The following SLC6A19 variants were observed in gnomAD, a reference collection of about 807,000 sequenced individuals.
SLC6A19 encodes sodium-dependent neutral amino acid transporter B(0)AT1.
In SLC6A19, 67 loss-of-function variants were observed where a neutral mutation model predicts 68.3. The ratio of observed to expected loss-of-function variants is 0.98; its 90% confidence interval spans 0.81 to 1.20. The LOEUF is 1.20. Among genes scored for constraint, SLC6A19 ranks in the 50% most tolerant of loss-of-function variants. The pLI, the probability that SLC6A19 is intolerant of heterozygous loss-of-function variation, is 0.00. For missense variants in SLC6A19, 813 were observed against 851.6 expected, an observed-to-expected ratio of 0.95 and a Z score of 0.56; for synonymous variants, 392 against 374.9, an observed-to-expected ratio of 1.05 and a Z score of -0.53.
chr5:1,216,750 C>T, intron 7 of SLC6A19, 39 bp from the exon 8 acceptor site: 1 of 1,613,728 alleles, frequency 6.2e-7, no homozygotes, highest in Non-Finnish European at 8.5e-7. Flanking sequence ...CCCAGCCTCC[C>T]TGGCCCCAGG....
rs774676628 is a variant in SLC6A19, at chr5:1,212,394, C to A, written c.573C>A (p.Gly191=). 2 of 1,613,182 alleles carry A rather than the reference C, an allele frequency of 1.2e-6. No homozygotes were observed. The highest frequency in any genetic ancestry group is 1.3e-5 in the African/African-American group (1 of 74,902). ...TCTCCACGTCCATCAGCGACTCGGGCTCCATCCAGTGGTGGATGCTGCTGT... is the reference window on the plus strand; with the variant it reads ...TCTCCACGTCCATCAGCGACTCGGGATCCATCCAGTGGTGGATGCTGCTGT... The part of the protein sequence containing the change: ...LNISTSISDS[G]SIQWWMLLCL... The change falls in exon 4 of 12, where the codon GGC becomes GGA. Residue 191 remains glycine (G), a synonymous_variant. Transcript: ENST00000304460. This position sits in a 1 kb window ranked among gnomAD's most constrained non-coding sequence, Gnocchi z 5.1.
Position 1,224,244 on chromosome 5 carries a change from C to T in SLC6A19, c.*2340C>T, listed in dbSNP as rs552118647. The T allele has an allele frequency of 3.9e-5, 6 of 152,406 alleles. No homozygotes were observed. The highest frequency in any genetic ancestry group is 8.8e-5 in the Non-Finnish European group (6 of 68,058). 9.4% of individuals were successfully genotyped at this position (152,406 alleles called of 1,614,324 possible). On this transcript the variant is annotated 3_prime_UTR_variant, in exon 12 of 12. Transcript: ENST00000304460. ...GGTGTGCCTGCCATAGGACCCTGGG[C>T]GGGAGCTCCCATCTCATCTACATCT... is the stretch of plus-strand genomic sequence containing the variant.
At chr5:1,206,818 G>A (rs969929101) in intron 1 of SLC6A19, among the ~76,000 whole-genome samples, 5 of 152,176 alleles carry the variant, frequency 3.3e-5, no homozygotes, top group African/African-American at 7.2e-5. Context: ...CAGCCACCAC[G>A]GGACACAAAG....
At position 1,209,087 on chromosome 5, in the gene SLC6A19, G is replaced by A. The variant is rs1455930254; in HGVS notation, c.343+201G>A. Among the ~76,000 whole-genome samples, 2 of 152,212 alleles carry A rather than the reference G, an allele frequency of 1.3e-5. No individual in the cohort carries two copies. The highest frequency in any genetic ancestry group is 2.9e-5 in the Non-Finnish European group (2 of 68,028). On this transcript the variant is annotated intron_variant, in intron 2 of 11. Coordinates refer to ENST00000304460, the MANE Select transcript of SLC6A19 (RefSeq NM_001003841.3). The surrounding 1 kb of genome is among the most constrained non-coding windows in gnomAD (Gnocchi z 5.5). The stretch of plus-strand genomic sequence containing the variant: ...GGCCACTCCTGTTCACCAGGAACCA[G>A]ACAGGCCAGCAGAGGCCGCCCGAGT...
intron 6 of SLC6A19, 56 bp from the exon 7 acceptor site, chr5:1,216,502 T>G (rs1746209622): frequency 1.2e-6 from 2 of 1,612,630 alleles, no homozygotes. Context: ...TGCCCTGGGC[T>G]GTGTCCTGAC....
In SLC6A19 at chr5:1,221,886, CG is replaced by C; in HGVS notation, c.1891del (p.Asp631ThrfsTer2). The C allele has an allele frequency of 6.2e-7, 1 of 1,614,114 alleles. No homozygotes were observed. The highest frequency in any genetic ancestry group is 8.5e-7 in the Non-Finnish European group (1 of 1,180,020). On this transcript the variant is annotated frameshift_variant, in exon 12 of 12. Transcript: ENST00000304460. LOFTEE classifies it high-confidence loss of function. ...VSTLSTASMNGDLKY is the reference protein window; with the variant it reads ...VSTLSTASMNXDLKY Reference sequence around the variant, plus strand: ...GCACACTGTCCACAGCCTCCATGAACGGGGACCTGAAGTACTGAGAAGGCCC... The same window carrying C: ...GCACACTGTCCACAGCCTCCATGAACGGGACCTGAAGTACTGAGAAGGCCC...
chr5:1,215,746 C>T lies in SLC6A19; in HGVS notation c.888-812C>T, dbSNP rs370038312. 2.0e-5 allele frequency among the ~76,000 whole-genome samples: 3 copies of T among 152,162 alleles called. No individual in the cohort carries two copies. The highest frequency in any genetic ancestry group is 2.1e-4 in the South Asian group (1 of 4,828). Reference sequence around the variant, plus strand: ...GCATGCTTTCGTTCTTCTGGGTGTGCGCCTAGGAGTGGAGTTGCTGCGTCA... The same window carrying T: ...GCATGCTTTCGTTCTTCTGGGTGTGTGCCTAGGAGTGGAGTTGCTGCGTCA... On this transcript the variant is annotated intron_variant, in intron 6 of 11. Coordinates refer to ENST00000304460, the MANE Select transcript of SLC6A19 (RefSeq NM_001003841.3). This position sits in a 1 kb window ranked among gnomAD's most constrained non-coding sequence, Gnocchi z 5.1.
chr5:1,221,167 G>A lies in SLC6A19; in HGVS notation c.1555G>A (p.Glu519Lys), dbSNP rs146745638. 3.1e-5 allele frequency: 50 copies of A among 1,613,860 alleles called. No homozygotes were observed. Among genetic ancestry groups the A allele is most frequent in the Non-Finnish European group, 3.9e-5 (46 of 1,179,928 alleles). ...CCTTGGCAGGTTCAATAAGGACATCGAGTTCATGATCGGCCACAAGCCCAA... is the reference window on the plus strand; with the variant it reads ...CCTTGGCAGGTTCAATAAGGACATCAAGTTCATGATCGGCCACAAGCCCAA... ...YGVDRFNKDI[E>K]FMIGHKPNIF... Residue 519 changes from glutamate to lysine, a missense_variant, in exon 11 of 12, where the codon GAG (glutamate) becomes AAG (lysine). By Grantham distance (56) the Glu-to-Lys change is moderately conservative. Coordinates refer to ENST00000304460, the MANE Select transcript of SLC6A19 (RefSeq NM_001003841.3).
intron 1 of SLC6A19, 146 bp downstream of exon 1, chr5:1,201,998 G>GGGGCCCCCAC: frequency 8.5e-7 from 1 of 1,182,048 alleles, no homozygotes; most frequent in African/African-American, 1.5e-5. Context: ...GGGGGGAGCT[G>GGGGCCCCCAC]GGGCCCCCAC....
chr5:1,213,394 AC>A, intron 4 of SLC6A19, 68 bp from the exon 5 acceptor site: 1 of 96,866 alleles, frequency 1.0e-5, no homozygotes, highest in Non-Finnish European at 1.8e-5. Context: ...CCCCGCCCCC[AC>A]GTGCCGCCCC....
At chr5:1,208,708 GA>G (rs773320915) in intron 1 of SLC6A19, 37 bp from the exon 2 acceptor site, 34 of 1,612,948 alleles carry the variant, frequency 2.1e-5, no homozygotes, top group Non-Finnish European at 2.9e-5. Context: ...GCTCCCCCGG[GA>G]ACGGCTCTCA....
intron 11 of SLC6A19, 73 bp from the exon 12 acceptor site, chr5:1,221,628 G>A (rs1457712119): frequency 6.4e-7 from 1 of 1,573,638 alleles, no homozygotes; most frequent in African/African-American, 1.3e-5. Context: ...GTCATGGGGT[G>A]AGGGGCCTTT....
chr5:1,214,960 G>T lies in SLC6A19; in HGVS notation c.887+895G>T, dbSNP rs1009825962. Among the ~76,000 whole-genome samples, 4 of 152,064 alleles carry T rather than the reference G, an allele frequency of 2.6e-5. No homozygotes were observed. Among genetic ancestry groups the T allele is most frequent in the African/African-American group, 9.7e-5 (4 of 41,390 alleles). ...GCAGGTGCAGAGCCCAGGCAGGGAG[G>T]GCTGGGGTGCAGAGGGAGATGTGCT... is the stretch of plus-strand genomic sequence containing the variant. On this transcript the variant is annotated intron_variant, in intron 6 of 11. Transcript: ENST00000304460. This position sits in a 1 kb window ranked among gnomAD's most constrained non-coding sequence, Gnocchi z 7.4.
chr5:1,221,448 T>C lies in SLC6A19; in HGVS notation c.1701+135T>C, dbSNP rs1221652634. On this transcript the variant is annotated intron_variant, in intron 11 of 11. Transcript: ENST00000304460. ...ATGGGCACACACACTCACACTCAGG[T>C]GCAGTCCAGCCACCACCCCACGCAT... The C allele has an allele frequency of 2.6e-5, 31 of 1,194,870 alleles. No homozygotes were observed. In the Admixed American group the frequency reaches 5.3e-4, roughly 20 times the overall value. 74.0% of individuals were successfully genotyped at this position (1,194,870 alleles called of 1,614,324 possible). A position where few individuals can be genotyped will look rare whatever the true frequency, so the allele number is the denominator to read the frequency against.
Position 1,221,235 on chromosome 5 carries a change from C to T in SLC6A19, c.1623C>T (p.Leu541=). ...QVTWRVVSPL[L]MLIIFLFFFV... Reference sequence around the variant, plus strand: ...CGTGGCGCGTGGTCAGCCCCCTGCTCATGCTGATCATCTTCCTCTTCTTCT... The same window carrying T: ...CGTGGCGCGTGGTCAGCCCCCTGCTTATGCTGATCATCTTCCTCTTCTTCT... Residue 541 remains leucine, a synonymous_variant, in exon 11 of 12, where the codon CTC becomes CTT. Transcript: ENST00000304460. 1.2e-6 allele frequency: 2 copies of T among 1,614,150 alleles called. No individual in the cohort carries two copies. The highest frequency in any genetic ancestry group is 1.1e-5 in the South Asian group (1 of 91,088).
At chr5:1,216,719 G>A (rs1746220583) in intron 7 of SLC6A19, 33 bp downstream of exon 7, 4 of 1,613,686 alleles carry the variant, frequency 2.5e-6, no homozygotes, top group Non-Finnish European at 2.5e-6. Flanking sequence ...TGGTGCCTTG[G>A]GCTGCGCCTC....
chr5:1,216,746 C>A lies in SLC6A19; in HGVS notation c.1017-43C>A, dbSNP rs768607737. ...CTGCGCCTCCAGGAAGCCTCCCAGCCTCCCTGGCCCCAGGTGGCCGTCAGC... is the reference window on the plus strand; with the variant it reads ...CTGCGCCTCCAGGAAGCCTCCCAGCATCCCTGGCCCCAGGTGGCCGTCAGC... On this transcript the variant is annotated intron_variant, in intron 7 of 11. Coordinates refer to ENST00000304460, the MANE Select transcript of SLC6A19 (RefSeq NM_001003841.3). 11 of 1,613,596 alleles carry A rather than the reference C, an allele frequency of 6.8e-6. No homozygotes were observed. The Admixed American group carries it at 1.8e-4, about 27-fold the overall frequency.
intron 11 of SLC6A19, 45 bp downstream of exon 11, chr5:1,221,358 A>C (rs1241355377): frequency 1.2e-6 from 2 of 1,604,332 alleles, no homozygotes; most frequent in East Asian, 4.5e-5. Context: ...GGAATGGGGA[A>C]GGGGAAAGGA....
rs1579514724 is a variant in SLC6A19, at chr5:1,214,577, A to G, written c.887+512A>G. 6.6e-6 allele frequency among the ~76,000 whole-genome samples: 1 copy of G among 151,996 alleles called. No individual in the cohort carries two copies. The highest frequency in any genetic ancestry group is 1.5e-5 in the Non-Finnish European group (1 of 68,004). ...GCACAGCTGGTGTCAGTTAATTTCC[A>G]CTAGCATTTATGAAGCACCTACTAT... On this transcript the variant is annotated intron_variant, in intron 6 of 11. Coordinates refer to ENST00000304460, the MANE Select transcript of SLC6A19 (RefSeq NM_001003841.3). The surrounding 1 kb of genome is among the most constrained non-coding windows in gnomAD (Gnocchi z 7.4).
Sources: allele counts gnomAD v4.1 joint callset (sites outside exome capture counted in the v4.1 genomes callset), GRCh38; gene constraint gnomAD v4.1.1; non-coding constraint Gnocchi (gnomAD v3.1); transcripts MANE v1.5; gene names NCBI Gene and HGNC (gene_info 2026-07-23, HGNC 2026-07-21).